Variants in ZNF469 observed in about 807,000 individuals in gnomAD.
ZNF469 encodes zinc finger protein 469.
Under a neutral mutation model 1.0 loss-of-function variants are expected in ZNF469, and 1 was observed. That is an observed-to-expected ratio of 1.00 (90% CI 0.35 to 4.73). The LOEUF is 4.73. ZNF469 is among the 30% of genes most tolerant of loss of function. The pLI is 0.16. For synonymous variants in ZNF469, 2,703 were observed against 2,363.4 expected (o/e 1.14, Z -4.17); for missense variants, 6,100 against 5,356.3 (o/e 1.14, Z -4.33).
At chr16:88,368,632 G>A in the ZNF469 span, among the ~76,000 whole-genome samples, 2 of 151,920 alleles carry the variant, frequency 1.3e-5, no homozygotes, top group African/African-American at 2.4e-5. Context: ...GAGAGGGTGT[G>A]GCTGGGAGGA....
At chr16:88,334,058 C>G in the ZNF469 span, among the ~76,000 whole-genome samples, 1 of 148,316 alleles carries the variant, frequency 6.7e-6, no homozygotes, top group Non-Finnish European at 1.5e-5. Flanking sequence ...GTGTCTGTGT[C>G]TGTGTGTGTC....
the ZNF469 span, among the ~76,000 whole-genome samples, chr16:88,315,185 G>A: frequency 2.0e-5 from 3 of 152,352 alleles, no homozygotes; most frequent in Non-Finnish European, 2.9e-5. Context: ...GGGCTCCAGG[G>A]CAAGTCACCT....
the ZNF469 span, among the ~76,000 whole-genome samples, chr16:88,340,855 G>A: frequency 1.3e-5 from 2 of 152,158 alleles, no homozygotes; most frequent in African/African-American, 2.4e-5. Flanking sequence ...CTGAGGGACC[G>A]TGAGAGGACT....
the ZNF469 span, among the ~76,000 whole-genome samples, chr16:88,299,260 T>C: frequency 6.7e-6 from 1 of 150,306 alleles, no homozygotes; most frequent in African/African-American, 2.5e-5. Flanking sequence ...GTAGGCTTCC[T>C]GGAGGAGGCA....
At chr16:88,324,364 G>A in the ZNF469 span, among the ~76,000 whole-genome samples, 3 of 152,380 alleles carry the variant, frequency 2.0e-5, no homozygotes, top group East Asian at 3.9e-4. Context: ...AGGATGTGGG[G>A]GGCTGTTGTG....
chr16:88,435,528 G>A lies in ZNF469; in HGVS notation c.8058G>A (p.Glu2686=). The stretch of plus-strand genomic sequence containing the variant: ...GCCTCTCTGTGGAAGGAGGGCCTGA[G>A]GCTGACGGGGAGCAGCCGCCTCGCT... ...SHCLSVEGGP[E]ADGEQPPRLA... The change falls in exon 3 of 3, where the codon GAG becomes GAA. Residue 2686 remains glutamate (E), a synonymous_variant. Transcript: ENST00000565624. 6.5e-7 allele frequency: 1 copy of A among 1,549,496 alleles called. No homozygotes were observed. Among genetic ancestry groups the A allele is most frequent in the East Asian group, 2.4e-5 (1 of 40,918 alleles).
chr16:88,380,646 C>CGT (rs2092519955), upstream of ZNF469, among the ~76,000 whole-genome samples: 1 of 135,270 alleles, frequency 7.4e-6, no homozygotes, highest in Admixed American at 7.4e-5. Context: ...CACATGCACT[C>CGT]ATACACACAC....
chr16:88,150,658 C>T, the ZNF469 span, among the ~76,000 whole-genome samples: 3 of 149,862 alleles, frequency 2.0e-5, no homozygotes, highest in South Asian at 4.2e-4. Flanking sequence ...AAAATCCTGC[C>T]GGCCTGGGAA....
the ZNF469 span, among the ~76,000 whole-genome samples, chr16:88,111,973 C>A: frequency 4.6e-5 from 7 of 152,252 alleles, no homozygotes; most frequent in South Asian, 2.1e-4. Flanking sequence ...TTGATTATTT[C>A]ACTTAATGAC....
At chr16:88,242,809 A>G in the ZNF469 span, among the ~76,000 whole-genome samples, 3 of 152,334 alleles carry the variant, frequency 2.0e-5, no homozygotes, top group South Asian at 6.2e-4. Flanking sequence ...GGGTGTTTAC[A>G]CATTCCTGTC....
chr16:88,439,159 C>G lies in ZNF469; in HGVS notation c.11689C>G (p.Gln3897Glu). 1 of 1,550,602 alleles carries G rather than the reference C, an allele frequency of 6.4e-7. No individual in the cohort carries two copies. Among genetic ancestry groups the G allele is most frequent in the Non-Finnish European group, 8.7e-7 (1 of 1,146,982 alleles). ...RKDRLGKAFP[Q>E]GRPLLRPPKR... ...GGACAGACTGGGCAAGGCCTTCCCC[C>G]AGGGGAGACCCCTGCTCAGGCCCCC... Residue 3897 changes from glutamine (Q) to glutamate (E), a missense_variant, in exon 3 of 3, where the codon CAG (glutamine) becomes GAG (glutamate). By Grantham distance (29) the Gln-to-Glu change is conservative. Transcript: ENST00000565624.
At position 88,435,557 on chromosome 16, in the gene ZNF469, C is replaced by T; in HGVS notation, c.8087C>T (p.Ala2696Val). The change falls in exon 3 of 3, where the codon GCC (alanine) becomes GTC (valine). Residue 2696 changes from alanine (A) to valine (V), a missense_variant. Coordinates refer to ENST00000565624, the MANE Select transcript of ZNF469 (RefSeq NM_001367624.2). ...GACGGGGAGCAGCCGCCTCGCTTGG[C>T]CACTCTGGGACCTGGGGTGATGGAG... ...EADGEQPPRL[A>V]TLGPGVMEGA... 1 of 1,549,824 alleles carries T rather than the reference C, an allele frequency of 6.5e-7. No homozygotes were observed. Among genetic ancestry groups the T allele is most frequent in the Non-Finnish European group, 8.7e-7 (1 of 1,146,956 alleles).
the ZNF469 span, among the ~76,000 whole-genome samples, chr16:88,354,703 T>C: frequency 6.6e-6 from 1 of 152,150 alleles, no homozygotes; most frequent in African/African-American, 2.4e-5. Context: ...TGAATTTAAT[T>C]TCCATTCTCC....
In ZNF469 at chr16:88,436,986, C is replaced by G. The variant is rs577913880; in HGVS notation, c.9516C>G (p.Ala3172=). ...HLQERHAQSK[A]GPWACGMCLK... ...AGGAGAGGCACGCGCAGAGCAAGGCCGGGCCCTGGGCGTGCGGCATGTGCC... is the reference window on the plus strand; with the variant it reads ...AGGAGAGGCACGCGCAGAGCAAGGCGGGGCCCTGGGCGTGCGGCATGTGCC... Residue 3172 remains alanine (A), a synonymous_variant, in exon 3 of 3, where the codon GCC becomes GCG. Coordinates refer to ENST00000565624, the MANE Select transcript of ZNF469 (RefSeq NM_001367624.2). 44 of 1,515,538 alleles carry G rather than the reference C, an allele frequency of 2.9e-5. No individual in the cohort carries two copies. The highest frequency in any genetic ancestry group is 3.7e-5 in the Non-Finnish European group (42 of 1,133,768). The allele number at this position is 1,515,538 out of a possible 1,614,324, so 93.9% of individuals were successfully genotyped here.
chr16:88,134,587 T>A, the ZNF469 span, among the ~76,000 whole-genome samples: 1 of 152,248 alleles, frequency 6.6e-6, no homozygotes, highest in Non-Finnish European at 1.5e-5. Context: ...GAATCAAGAA[T>A]AAGCACATTT....
At position 88,430,294 on chromosome 16, in the gene ZNF469, G is replaced by A; in HGVS notation, c.2824G>A (p.Gly942Ser). 6.6e-7 allele frequency: 1 copy of A among 1,515,008 alleles called. No individual in the cohort carries two copies. Among genetic ancestry groups the A allele is most frequent in the Non-Finnish European group, 8.8e-7 (1 of 1,134,086 alleles). The allele number at this position is 1,515,008 out of a possible 1,614,324, so 93.8% of individuals were successfully genotyped here. Reference sequence around the variant, plus strand: ...CACCGAGGCGGATGCGCCCAGCCAGGGCAGGCAGCAGAGGAGGGGGAAGCA... The same window carrying A: ...CACCGAGGCGGATGCGCCCAGCCAGAGCAGGCAGCAGAGGAGGGGGAAGCA... The part of the protein sequence containing the change: ...APTEADAPSQ[G>S]RQQRRGKQLK... The change falls in exon 3 of 3, where the codon GGC (glycine) becomes AGC (serine). Residue 942 changes from glycine to serine, a missense_variant. Transcript: ENST00000565624.
At chr16:88,327,792 G>T in the ZNF469 span, among the ~76,000 whole-genome samples, 11 of 152,234 alleles carry the variant, frequency 7.2e-5, no homozygotes, top group African/African-American at 2.7e-4. Flanking sequence ...TGGAGAGGCC[G>T]CAGTGTGGTC....
the ZNF469 span, among the ~76,000 whole-genome samples, chr16:88,370,088 G>A: frequency 1.3e-5 from 2 of 152,210 alleles, no homozygotes; most frequent in Non-Finnish European, 2.9e-5. Context: ...GGATGTCGAC[G>A]CAGCCTTTCT....
At chr16:88,290,587 T>G in the ZNF469 span, among the ~76,000 whole-genome samples, 1 of 152,196 alleles carries the variant, frequency 6.6e-6, no homozygotes, top group East Asian at 1.9e-4. Flanking sequence ...TAAATAAATG[T>G]TGAGAGTCTG....
Sources: gnomAD v4.1 joint callset for allele counts (sites outside exome capture counted in the v4.1 genomes callset) on GRCh38, gnomAD v4.1.1 for gene constraint, MANE v1.5 for transcripts, NCBI Gene and HGNC (gene_info 2026-07-23, HGNC 2026-07-21) for gene names.